F8: variants seen among roughly 807,000 people sequenced by gnomAD.
The protein encoded by F8 is antihemophilic factor.
Under a neutral mutation model 140.6 loss-of-function variants are expected in F8, and 12 were observed. The ratio of observed to expected loss-of-function variants is 0.09; its 90% CI spans 0.05 to 0.14. F8 has a LOEUF of 0.14. Ranked by LOEUF, F8 falls within the 10% of genes least tolerant of loss-of-function variation. The pLI, the probability that F8 is intolerant of heterozygous loss-of-function variation, is 1.00. For missense variants in F8, 1,354 were observed against 1,720.7 expected (o/e 0.79, Z 3.77); for synonymous variants, 585 against 614.6 (o/e 0.95, Z 0.71).
intron 13 of F8, among the ~76,000 whole-genome samples, chrX:154,945,285 A>G (rs909822163): frequency 9.0e-6 from 1 of 111,543 alleles, no homozygotes; most frequent in Non-Finnish European, 1.9e-5. Context: ...AAACCAGACA[A>G]AGACACACAC....
intron 23 of F8, among the ~76,000 whole-genome samples, chrX:154,862,443 G>T (rs782402582): frequency 9.0e-6 from 1 of 111,103 alleles, no homozygotes; most frequent in East Asian, 2.8e-4. Flanking sequence ...TACATGGGTA[G>T]GTTTGTTGCA....
intron 22 of F8, among the ~76,000 whole-genome samples, chrX:154,867,690 C>CAAAAAAAAAAAAAAAAAAA (rs373471645): frequency 2.4e-5 from 1 of 41,828 alleles, no homozygotes; most frequent in Non-Finnish European, 4.5e-5. Flanking sequence ...GACTCTGTCT[C>CAAAAAAAAAAAAAAAAAAA]AAAAAAAAAA....
intron 22 of F8, among the ~76,000 whole-genome samples, chrX:154,890,206 C>T (rs1399258875): frequency 9.9e-6 from 1 of 100,713 alleles, no homozygotes. Context: ...ATCCTTTCAA[C>T]GTGTAAAAAC....
At chrX:154,877,199 T>G (rs782508488) in intron 22 of F8, among the ~76,000 whole-genome samples, 1 of 111,976 alleles carries the variant, frequency 8.9e-6, no homozygotes, top group African/African-American at 3.2e-5. Context: ...CATTTGACTG[T>G]GTTATGTTGC....
At chrX:154,925,261 G>A (rs7357992) in intron 14 of F8, among the ~76,000 whole-genome samples, 1,142 of 112,090 alleles carry the variant, frequency 0.01, 15 homozygotes, top group African/African-American at 0.035. Context: ...GAAGTGCCTG[G>A]ATGCCCAGGC....
intron 14 of F8, among the ~76,000 whole-genome samples, chrX:154,922,997 A>T (rs1477339875): frequency 9.0e-6 from 1 of 111,373 alleles, no homozygotes. Flanking sequence ...TGGAAACAGG[A>T]AGGCTTTGTA....
At chrX:154,983,327 T>C (rs782637937) in intron 6 of F8, among the ~76,000 whole-genome samples, 2 of 112,051 alleles carry the variant, frequency 1.8e-5, no homozygotes, top group East Asian at 5.5e-4. Flanking sequence ...ATATACATAA[T>C]GGAATACTAT....
At chrX:154,948,962 GGAAACTTAATATATAATAAGTT>G (rs1338881391) in intron 12 of F8, among the ~76,000 whole-genome samples, 11 of 111,284 alleles carry the variant, frequency 9.9e-5, no homozygotes, top group Admixed American at 2.9e-4. Context: ...AGATGTAAGC[GGAAACTTAATATATAATAAGTT>G]GAAACTTAAT....
At chrX:154,941,969 G>A (rs1226429453) in intron 13 of F8, among the ~76,000 whole-genome samples, 6,898 of 103,662 alleles carry the variant, frequency 0.067, 630 homozygotes, top group African/African-American at 0.23. Flanking sequence ...TGAAACCAAT[G>A]AGAACAAAGA....
At chrX:154,989,170 G>A (rs782252784) in intron 4 of F8, among the ~76,000 whole-genome samples, 2 of 111,627 alleles carry the variant, frequency 1.8e-5, no homozygotes, top group South Asian at 7.6e-4. Context: ...CAGAAGTACT[G>A]GATTAAAAAC....
intron 1 of F8, among the ~76,000 whole-genome samples, chrX:155,020,822 T>G (rs1274841725): frequency 8.9e-6 from 1 of 112,289 alleles, no homozygotes; most frequent in Non-Finnish European, 1.9e-5. Flanking sequence ...TTGGCAAATT[T>G]TAAAAACAGG....
intron 25 of F8, among the ~76,000 whole-genome samples, chrX:154,840,398 T>A (rs1392380517): frequency 8.9e-6 from 1 of 111,756 alleles, no homozygotes; most frequent in African/African-American, 3.3e-5. Flanking sequence ...CCATTAATCT[T>A]CTGGCACATC....
At chrX:154,954,677 C>T (rs5945258) in intron 11 of F8, among the ~76,000 whole-genome samples, 18,154 of 110,881 alleles carry the variant, frequency 0.16, 1,193 homozygotes, top group African/African-American at 0.24. Context: ...ATATGTAAAC[C>T]TCACTAATAT....
At chrX:154,901,343 T>C in intron 20 of F8, 28 bp downstream of exon 20, 1 of 997,500 alleles carries the variant, frequency 1.0e-6, no homozygotes. Flanking sequence ...TCAGCCCAGG[T>C]TCTTGGAGCA....
At chrX:154,850,083 T>TTGTGTGTGTGTG (rs60052978) in intron 25 of F8, among the ~76,000 whole-genome samples, 9 of 96,073 alleles carry the variant, frequency 9.4e-5, no homozygotes, top group South Asian at 5.3e-4. Context: ...CAGGCTTGTT[T>TTGTGTGTGTGTG]TGTGTGTGTG....
intron 1 of F8, among the ~76,000 whole-genome samples, chrX:155,013,345 A>T (rs2073718763): frequency 9.1e-6 from 1 of 109,512 alleles, no homozygotes; most frequent in Non-Finnish European, 1.9e-5. Context: ...ATGAGGGCTG[A>T]TGGTTTTATA....
At chrX:154,892,280 C>A (rs1157420170) in intron 22 of F8, among the ~76,000 whole-genome samples, 1 of 112,529 alleles carries the variant, frequency 8.9e-6, no homozygotes, top group Non-Finnish European at 1.9e-5. Context: ...CATCAGTGTT[C>A]TTATTTTGTA....
chrX:154,844,974 C>T (rs2072552738), intron 25 of F8, among the ~76,000 whole-genome samples: 1 of 111,020 alleles, frequency 9.0e-6, no homozygotes, highest in Non-Finnish European at 1.9e-5. Flanking sequence ...CCATCAATAC[C>T]TAATTTATTG....
intron 25 of F8, among the ~76,000 whole-genome samples, chrX:154,849,956 G>A (rs781809207): frequency 4.6e-4 from 51 of 110,522 alleles, no homozygotes; most frequent in African/African-American, 1.5e-3. Context: ...TTATCCACAT[G>A]CTGACTTTTT....
Sources: allele counts gnomAD v4.1 joint callset (sites outside exome capture counted in the v4.1 genomes callset), GRCh38; gene constraint gnomAD v4.1.1; transcripts MANE v1.5; gene names NCBI Gene and HGNC (gene_info 2026-07-23, HGNC 2026-07-21).